WNK4: variants seen among roughly 807,000 people sequenced by gnomAD.
The protein encoded by WNK4 is serine/threonine-protein kinase WNK4.
Under a neutral mutation model 116.2 loss-of-function variants are expected in WNK4, and 94 were observed. The ratio of observed to expected loss-of-function variants is 0.81; its 90% confidence interval spans 0.68 to 0.96. WNK4 has a LOEUF of 0.96. Among genes scored for constraint, WNK4 ranks in the 40% least tolerant of loss-of-function variants. WNK4 has a pLI of 0.00. For missense variants in WNK4, 1,542 were observed against 1,650.6 expected (o/e 0.93, Z 1.14); for synonymous variants, 655 against 672.7 (o/e 0.97, Z 0.41).
chr17:42,792,099 A>C (rs1290924387), intron 11 of WNK4, among the ~76,000 whole-genome samples: 1 of 152,260 alleles, frequency 6.6e-6, no homozygotes, highest in Non-Finnish European at 1.5e-5. Context: ...TTCAAACTTC[A>C]GCTCTGTTAT....
Position 42,788,303 on chromosome 17 carries a change from G to T in WNK4, c.1936G>T (p.Ala646Ser), listed in dbSNP as rs1235927120. 1.2e-6 allele frequency: 2 copies of T among 1,614,018 alleles called. No homozygotes were observed. The highest frequency in any genetic ancestry group is 2.7e-5 in the African/African-American group (2 of 74,898). The change falls in exon 10 of 19, where the codon GCA (alanine) becomes TCA (serine). Residue 646 changes from alanine (A) to serine (S), a missense_variant. Transcript: ENST00000246914. ...TCTCTTTAACAGCTATGCCTCAGATGCAGCTTCAGGCCTTAGCGATGTGGG... is the reference window on the plus strand; with the variant it reads ...TCTCTTTAACAGCTATGCCTCAGATTCAGCTTCAGGCCTTAGCGATGTGGG... ...FSPGDSYASD[A>S]ASGLSDVGEG...
chr17:42,783,901 C>A, intron 2 of WNK4, 36 bp from the exon 3 acceptor site: 1 of 1,588,286 alleles, frequency 6.3e-7, no homozygotes, highest in East Asian at 2.3e-5. Flanking sequence ...AGGACGTGTC[C>A]CCCCACCAGG....
chr17:42,781,326 G>A lies in WNK4; in HGVS notation c.618+10G>A, dbSNP rs2054481075. ...CTGGTGTGAGCTGCAGGTGCGGCTG[G>A]GAGCCCCCTCGGTGGCACCTTGGGA... On this transcript the variant is annotated intron_variant, in intron 1 of 18. Coordinates refer to ENST00000246914, the MANE Select transcript of WNK4 (RefSeq NM_032387.5). The A allele has an allele frequency of 2.8e-5, 45 of 1,614,004 alleles. No homozygotes were observed. The highest frequency in any genetic ancestry group is 3.7e-5 in the Non-Finnish European group (44 of 1,180,022).
At position 42,795,522 on chromosome 17, in the gene WNK4, GT is replaced by G. The variant is rs1567654927; in HGVS notation, c.3022+2del. The G allele has an allele frequency of 1.9e-6, 3 of 1,614,216 alleles. No homozygotes were observed. The highest frequency in any genetic ancestry group is 2.5e-6 in the Non-Finnish European group (3 of 1,180,044). The stretch of plus-strand genomic sequence containing the variant: ...GCCAGGCTGGCGCCCATCTCTGAAG[GT>G]AAGGCCTCTGACCACTGACCTTCCC... On this transcript the variant is annotated splice_donor_variant, in intron 15 of 18. Coordinates refer to ENST00000246914, the MANE Select transcript of WNK4 (RefSeq NM_032387.5). LOFTEE classifies it high-confidence loss of function.
Position 42,793,803 on chromosome 17 carries a change from C to G in WNK4, c.2295+74C>G, listed in dbSNP as rs539057033. 32 of 1,586,098 alleles carry G rather than the reference C, an allele frequency of 2.0e-5. No homozygotes were observed. The Admixed American group carries it at 3.1e-4, about 15-fold the overall frequency. ...AGGGTTTATTACTCTCTGCCCTCAG[C>G]GGTCCCCTTGGATTTAACTCCTCTT... On this transcript the variant is annotated intron_variant, in intron 12 of 18. Coordinates refer to ENST00000246914, the MANE Select transcript of WNK4 (RefSeq NM_032387.5).
At position 42,795,863 on chromosome 17, in the gene WNK4, A is replaced by G. The variant is rs761637088; in HGVS notation, c.3261A>G (p.Glu1087=). 4 of 1,613,036 alleles carry G rather than the reference A, an allele frequency of 2.5e-6. No homozygotes were observed. The East Asian group carries it at 6.7e-5, about 27-fold the overall frequency. ...GTCTGGGGGCTGGAGTTGAGGAGGA[A>G]GGAGATGATGGGAAGGAACCCCAAG... is the stretch of plus-strand genomic sequence containing the variant. ...AEGLGAGVEE[E]GDDGKEPQVG... is the part of the protein sequence containing the mutation. Residue 1087 remains glutamate, a synonymous_variant, in exon 16 of 19, where the codon GAA becomes GAG. Transcript: ENST00000246914.
chr17:42,784,692 G>A lies in WNK4; in HGVS notation c.1170+113G>A. The A allele has an allele frequency of 7.2e-7, 1 of 1,395,646 alleles. No individual in the cohort carries two copies. Among genetic ancestry groups the A allele is most frequent in the Non-Finnish European group, 9.9e-7 (1 of 1,009,892 alleles). 86.5% of individuals were successfully genotyped at this position (1,395,646 alleles called of 1,614,324 possible). On this transcript the variant is annotated intron_variant, in intron 4 of 18. Coordinates refer to ENST00000246914, the MANE Select transcript of WNK4 (RefSeq NM_032387.5). The surrounding 1 kb of genome is among the most constrained non-coding windows in gnomAD (Gnocchi z 4.4). ...CCTGCACGAAAACAGGCTAGACACA[G>A]AGTCGCCTTGGTGAACACAGAAGGA...
intron 6 of WNK4, among the ~76,000 whole-genome samples, chr17:42,786,339 A>T (rs1161764457): frequency 6.6e-6 from 1 of 152,224 alleles, no homozygotes; most frequent in Non-Finnish European, 1.5e-5. Flanking sequence ...GGAGAGGCAT[A>T]AGATGCAAGG....
rs2054522142 is a variant in WNK4 at position 42,784,580 on chromosome 17, G to C, written c.1170+1G>C. 1.9e-6 allele frequency: 3 copies of C among 1,614,036 alleles called. No individual in the cohort carries two copies. The highest frequency in any genetic ancestry group is 1.3e-5 in the African/African-American group (1 of 74,906). On this transcript the variant is annotated splice_donor_variant, in intron 4 of 18. Coordinates refer to ENST00000246914, the MANE Select transcript of WNK4 (RefSeq NM_032387.5). LOFTEE classifies it high-confidence loss of function. The surrounding 1 kb of genome is among the most constrained non-coding windows in gnomAD (Gnocchi z 4.4). ...GCAAATCTACCGCAAGGTCACTTCGGTGAGAGGGATGGGGCTGGCGGGAAA... is the reference window on the plus strand; with the variant it reads ...GCAAATCTACCGCAAGGTCACTTCGCTGAGAGGGATGGGGCTGGCGGGAAA...
At chr17:42,791,350 T>C (rs1189486438) in intron 11 of WNK4, among the ~76,000 whole-genome samples, 1 of 152,152 alleles carries the variant, frequency 6.6e-6, no homozygotes, top group Non-Finnish European at 1.5e-5. Context: ...ATTTTAAGAA[T>C]AGGCTGTGCC....
At chr17:42,783,860 G>T (rs1458879575) in intron 2 of WNK4, 77 bp from the exon 3 acceptor site, 23 of 1,405,308 alleles carry the variant, frequency 1.6e-5, no homozygotes, top group Non-Finnish European at 2.2e-5. Flanking sequence ...TGCGGCAGGG[G>T]GGAACTTCCC....
At position 42,784,294 on chromosome 17, in the gene WNK4, G is replaced by A; in HGVS notation, c.1013-128G>A. On this transcript the variant is annotated intron_variant, in intron 3 of 18. Coordinates refer to ENST00000246914, the MANE Select transcript of WNK4 (RefSeq NM_032387.5). The surrounding 1 kb of genome is among the most constrained non-coding windows in gnomAD (Gnocchi z 4.4). Reference sequence around the variant, plus strand: ...GACAGGGAAGCTGAGGAGACCTATGGCACCCACCTCAACCCCACTGTGGGC... The same window carrying A: ...GACAGGGAAGCTGAGGAGACCTATGACACCCACCTCAACCCCACTGTGGGC... 1.3e-6 allele frequency: 2 copies of A among 1,535,100 alleles called. No homozygotes were observed. Among genetic ancestry groups the A allele is most frequent in the Non-Finnish European group, 1.8e-6 (2 of 1,120,970 alleles).
chr17:42,784,010 C>T lies in WNK4; in HGVS notation c.865C>T (p.His289Tyr), dbSNP rs756949847. 6.2e-7 allele frequency: 1 copy of T among 1,614,128 alleles called. No homozygotes were observed. Among genetic ancestry groups the T allele is most frequent in the Non-Finnish European group, 8.5e-7 (1 of 1,180,042 alleles). ...RWSRQILRGL[H>Y]FLHSRVPPIL... ...GAGCCGCCAAATCCTGCGGGGACTT[C>T]ATTTCCTACACTCCCGGGTTCCTCC... is the stretch of plus-strand genomic sequence containing the variant. The change falls in exon 3 of 19, where the codon CAT becomes TAT. Residue 289 changes from histidine (H) to tyrosine (Y), a missense_variant. His to Tyr is a moderately conservative substitution (Grantham distance 83). Coordinates refer to ENST00000246914, the MANE Select transcript of WNK4 (RefSeq NM_032387.5). This position sits in a 1 kb window ranked among gnomAD's most constrained non-coding sequence, Gnocchi z 4.4.
In WNK4 at chr17:42,785,255, G is replaced by C. The variant is rs1470225457; in HGVS notation, c.1260-11G>C. 6.2e-7 allele frequency: 1 copy of C among 1,607,304 alleles called. No homozygotes were observed. The highest frequency in any genetic ancestry group is 8.5e-7 in the Non-Finnish European group (1 of 1,177,408). ...CGCGGCGGGCTCGGCTCACCCACGC[G>C]TCACCCTCAGGTTCACCATCCAGGA... is the stretch of plus-strand genomic sequence containing the variant. On this transcript the variant is annotated splice_polypyrimidine_tract_variant and intron_variant, in intron 5 of 18. Coordinates refer to ENST00000246914, the MANE Select transcript of WNK4 (RefSeq NM_032387.5).
chr17:42,787,653 A>T, intron 7 of WNK4, 111 bp downstream of exon 7: 1 of 1,589,850 alleles, frequency 6.3e-7, no homozygotes, highest in Non-Finnish European at 8.6e-7. Flanking sequence ...ACCTCTAGCC[A>T]TGAAGCTCCC....
chr17:42,782,646 C>G lies in WNK4; in HGVS notation c.619-112C>G. 1 of 1,251,768 alleles carries G rather than the reference C, an allele frequency of 8.0e-7. No individual in the cohort carries two copies. Among genetic ancestry groups the G allele is most frequent in the Non-Finnish European group, 1.1e-6 (1 of 883,258 alleles). The allele number at this position is 1,251,768 out of a possible 1,614,324, so 77.5% of individuals were successfully genotyped here. A position where few individuals can be genotyped will look rare whatever the true frequency, so the allele number is the denominator to read the frequency against. ...TGGGCAAGTAATCCCATTAACCCCA[C>G]CCCATCTGTGGGCTCCAACCCTCAC... is the stretch of plus-strand genomic sequence containing the variant. On this transcript the variant is annotated intron_variant, in intron 1 of 18. Transcript: ENST00000246914. The surrounding 1 kb of genome is among the most constrained non-coding windows in gnomAD (Gnocchi z 4.2).
intron 1 of WNK4, among the ~76,000 whole-genome samples, chr17:42,781,909 C>G (rs1335200085): frequency 1.3e-5 from 2 of 152,200 alleles, no homozygotes; most frequent in Non-Finnish European, 2.9e-5. Context: ...CTCCAGCTCT[C>G]GAGTGAGTCC....
At chr17:42,785,678 A>G (rs1465165668) in intron 6 of WNK4, among the ~76,000 whole-genome samples, 196 bp downstream of exon 6, 2 of 152,198 alleles carry the variant, frequency 1.3e-5, no homozygotes, top group South Asian at 2.1e-4. Context: ...TTTCCTTTAC[A>G]GAGGGAGCCC....
rs770520393 is a variant in WNK4 at position 42,782,715 on chromosome 17, G to T, written c.619-43G>T. On this transcript the variant is annotated intron_variant, in intron 1 of 18. Coordinates refer to ENST00000246914, the MANE Select transcript of WNK4 (RefSeq NM_032387.5). The surrounding 1 kb of genome is among the most constrained non-coding windows in gnomAD (Gnocchi z 4.2). ...TCCAGGTGTCCCTCTTCCTTTCTGT[G>T]GGTGTCCTGGGCCTGACATGACACC... 5.0e-6 allele frequency: 8 copies of T among 1,611,710 alleles called. No homozygotes were observed. The South Asian group carries it at 8.8e-5, about 18-fold the overall frequency.
Sources: gnomAD v4.1 joint callset for allele counts (sites outside exome capture counted in the v4.1 genomes callset) on GRCh38, gnomAD v4.1.1 for gene constraint, Gnocchi (gnomAD v3.1) non-coding constraint, MANE v1.5 for transcripts, NCBI Gene and HGNC (gene_info 2026-07-23, HGNC 2026-07-21) for gene names.